Variants in CD8B2 observed in about 807,000 individuals in gnomAD.
CD8B2 encodes T-cell surface glycoprotein CD8 beta-2 chain.
A neutral mutation model predicts 23.7 loss-of-function variants in CD8B2; 11 were observed. The observed-to-expected ratio is 0.46, with a 90% CI of 0.29 to 0.77. The LOEUF (loss-of-function observed/expected upper bound fraction) is 0.77. Among genes scored for constraint, CD8B2 ranks in the 30% least tolerant of loss-of-function variants. The pLI is 0.09. For missense variants in CD8B2, 197 were observed against 270.5 expected (o/e 0.73, Z 1.91); for synonymous variants, 90 against 109.3 (o/e 0.82, Z 1.10).
intron 5 of CD8B2, among the ~76,000 whole-genome samples, chr2:106,516,819 T>C (rs1445706672): frequency 6.6e-6 from 1 of 151,866 alleles, no homozygotes; most frequent in East Asian, 1.9e-4. Context: ...AACCTAAACA[T>C]TTCAATTCTA....
At chr2:106,517,148 A>G (rs1257483228) in intron 5 of CD8B2, among the ~76,000 whole-genome samples, 1 of 151,366 alleles carries the variant, frequency 6.6e-6, no homozygotes, top group Non-Finnish European at 1.5e-5. Flanking sequence ...TTCCTTCCAT[A>G]TTTTTTGGCA....
chr2:106,537,074 A>T lies in CD8B2; in HGVS notation c.621-6918A>T, dbSNP rs541615982. 2.0e-5 allele frequency among the ~76,000 whole-genome samples: 3 copies of T among 152,186 alleles called. No homozygotes were observed. The South Asian group carries it at 6.2e-4, about 32-fold the overall frequency. On this transcript the variant is annotated intron_variant, in intron 5 of 5. Transcript: ENST00000416057. ...TCTGTGAGGCCCTGATCCAACTCCA[A>T]ATCTGGTCTTCGTCACCACCCCATC...
At chr2:106,502,320 G>T (rs1215039547) in intron 3 of CD8B2, among the ~76,000 whole-genome samples, 154 bp from the exon 4 acceptor site, 2 of 102,548 alleles carry the variant, frequency 2.0e-5, no homozygotes, top group Non-Finnish European at 4.2e-5. Context: ...AAAAAAAAAA[G>T]ACTTGAGGAA....
intron 5 of CD8B2, among the ~76,000 whole-genome samples, chr2:106,534,109 C>T (rs192105416): frequency 3.3e-5 from 5 of 152,292 alleles, no homozygotes; most frequent in Admixed American, 2.0e-4. Flanking sequence ...GTGGGTGGAG[C>T]GAGGCCTGGG....
At chr2:106,493,259 C>T (rs186818703) in intron 2 of CD8B2, among the ~76,000 whole-genome samples, 14 of 152,230 alleles carry the variant, frequency 9.2e-5, no homozygotes, top group Non-Finnish European at 1.6e-4. Context: ...TGGGGAGAGA[C>T]AGGGCCTTTT....
Position 106,494,174 on chromosome 2 carries a change from C to T in CD8B2, c.404-1999C>T, listed in dbSNP as rs1176621148. ...CCAACACCTTTTTTTTTTTTTGAGA[C>T]GGAGTCACTGTCACCCAGGCTGGAG... On this transcript the variant is annotated intron_variant, in intron 2 of 5. Coordinates refer to ENST00000643224, the MANE Select transcript of CD8B2 (RefSeq NM_001349727.2). Among the ~76,000 whole-genome samples, 351 of 146,202 alleles carry T rather than the reference C, an allele frequency of 2.4e-3. 1 individual carries two copies. Among genetic ancestry groups the T allele is most frequent in the African/African-American group, 8.4e-3 (332 of 39,538 alleles).
downstream of CD8B2, among the ~76,000 whole-genome samples, chr2:106,511,633 G>A (rs375030464): frequency 6.6e-6 from 1 of 151,748 alleles, no homozygotes; most frequent in African/African-American, 2.4e-5. Flanking sequence ...AGTGATCCCC[G>A]ACCCCGCGTG....
At chr2:106,497,839 A>G (rs1009778502) in intron 3 of CD8B2, among the ~76,000 whole-genome samples, 1 of 152,182 alleles carries the variant, frequency 6.6e-6, no homozygotes, top group Non-Finnish European at 1.5e-5. Context: ...AAGGATATAA[A>G]AGGCAAATAC....
Position 106,510,102 on chromosome 2 carries a change from A to G in CD8B2, c.*3162A>G, listed in dbSNP as rs1436188419. Reference sequence around the variant, plus strand: ...ATCTGTATAGATTATTCTTAATACAATATATGGCGCAATACGTAGTCACTG... The same window carrying G: ...ATCTGTATAGATTATTCTTAATACAGTATATGGCGCAATACGTAGTCACTG... On this transcript the variant is annotated 3_prime_UTR_variant, in exon 6 of 6. Coordinates refer to ENST00000643224, the MANE Select transcript of CD8B2 (RefSeq NM_001349727.2). 6.6e-6 allele frequency: 1 copy of G among 152,244 alleles called. No individual in the cohort carries two copies. The highest frequency in any genetic ancestry group is 1.5e-5 in the Non-Finnish European group (1 of 68,042). 9.4% of individuals were successfully genotyped at this position (152,244 alleles called of 1,614,324 possible). A position where few individuals can be genotyped will look rare whatever the true frequency, so the allele number is the denominator to read the frequency against.
At chr2:106,526,466 C>T (rs1648714207) in intron 5 of CD8B2, among the ~76,000 whole-genome samples, 1 of 152,136 alleles carries the variant, frequency 6.6e-6, no homozygotes, top group African/African-American at 2.4e-5. Context: ...AATTTACTGT[C>T]TTCATAGATT....
At chr2:106,504,949 G>A (rs1679477179) in intron 5 of CD8B2, among the ~76,000 whole-genome samples, 1 of 152,044 alleles carries the variant, frequency 6.6e-6, no homozygotes, top group African/African-American at 2.4e-5. Context: ...TGCCGCCCTC[G>A]ACCCCATCTG....
intron 5 of CD8B2, among the ~76,000 whole-genome samples, chr2:106,532,010 C>A (rs556957932): frequency 6.6e-6 from 1 of 152,360 alleles, no homozygotes; most frequent in Non-Finnish European, 1.5e-5. Context: ...AGTAACAGAT[C>A]TCCAGCCAGC....
rs1394451387 is a variant in CD8B2 at position 106,501,892 on chromosome 2, A to G, written c.494-582A>G. Among the ~76,000 whole-genome samples the G allele has an allele frequency of 7.2e-5, 11 of 152,374 alleles. No homozygotes were observed. In the East Asian group the frequency reaches 1.9e-3, roughly 27 times the overall value. On this transcript the variant is annotated intron_variant, in intron 3 of 5. Transcript: ENST00000643224. ...AAAAATAAAAGTTTTAAAAATAAAT[A>G]GTAAAAGACTCATTACCAGGCATGA...
intron 5 of CD8B2, among the ~76,000 whole-genome samples, chr2:106,525,281 A>G (rs1573347713): frequency 6.6e-6 from 1 of 152,162 alleles, no homozygotes; most frequent in East Asian, 1.9e-4. Context: ...CTAGGCCAGA[A>G]CTCATTATCC....
chr2:106,531,597 C>T (rs1032076688), intron 5 of CD8B2, among the ~76,000 whole-genome samples: 2 of 152,038 alleles, frequency 1.3e-5, no homozygotes, highest in African/African-American at 4.8e-5. Context: ...GCCTCTCAAG[C>T]CTGGTTAGGT....
At chr2:106,519,029 C>CA in intron 5 of CD8B2, among the ~76,000 whole-genome samples, 1 of 152,046 alleles carries the variant, frequency 6.6e-6, no homozygotes, top group African/African-American at 2.4e-5. Context: ...CCATCAATCC[C>CA]TCCATCCATT....
intron 5 of CD8B2, among the ~76,000 whole-genome samples, chr2:106,542,479 T>C (rs760554270): frequency 5.9e-5 from 9 of 152,088 alleles, no homozygotes; most frequent in Non-Finnish European, 1.2e-4. Flanking sequence ...ATATCCTGGA[T>C]TTTCATTAAT....
chr2:106,523,488 G>A (rs1315310001), intron 5 of CD8B2, among the ~76,000 whole-genome samples: 1 of 152,146 alleles, frequency 6.6e-6, no homozygotes, highest in Non-Finnish European at 1.5e-5. Context: ...GTTCAGATGT[G>A]CCCTGACTGG....
chr2:106,513,161 C>G (rs1679670879), downstream of CD8B2, among the ~76,000 whole-genome samples: 2 of 151,462 alleles, frequency 1.3e-5, no homozygotes, highest in Admixed American at 6.6e-5. Flanking sequence ...GCTGTGAGGA[C>G]CACTCGGGAT....
Sources: allele counts gnomAD v4.1 joint callset (sites outside exome capture counted in the v4.1 genomes callset), GRCh38; gene constraint gnomAD v4.1.1; transcripts MANE v1.5; gene names NCBI Gene and HGNC (gene_info 2026-07-23, HGNC 2026-07-21).